The following FXYD4 variants were observed in gnomAD, a reference collection of about 807,000 sequenced individuals.
The protein encoded by FXYD4 is FXYD domain-containing ion transport regulator 4.
In FXYD4, 14 loss-of-function variants were observed where a neutral mutation model predicts 18.3. That is an observed-to-expected ratio of 0.77 (90% CI 0.51 to 1.20). The LOEUF (loss-of-function observed/expected upper bound fraction) is 1.20, where lower values mean the gene tolerates loss of function less well. Among genes scored for constraint, FXYD4 ranks in the 50% most tolerant of loss-of-function variants. The pLI is 0.00. For missense variants in FXYD4, 99 were observed against 106.1 expected (o/e 0.93, Z 0.29); for synonymous variants, 40 against 40.5 (o/e 0.99, Z 0.04).
At chr10:43,374,401 C>CAAG in intron 3 of FXYD4, 69 bp from the exon 4 acceptor site, 1 of 1,503,962 alleles carries the variant, frequency 6.6e-7, no homozygotes, top group Non-Finnish European at 9.3e-7. Context: ...GGCTGGGGTC[C>CAAG]TGCTGTCTGG....
chr10:43,374,966 C>T (rs1837851091), intron 5 of FXYD4, among the ~76,000 whole-genome samples: 1 of 151,804 alleles, frequency 6.6e-6, no homozygotes, highest in African/African-American at 2.4e-5. Flanking sequence ...GCCTCAGCTC[C>T]AGGACAGCTT....
At chr10:43,373,461 G>T in intron 2 of FXYD4, 54 bp from the exon 3 acceptor site, 2 of 523,740 alleles carry the variant, frequency 3.8e-6, no homozygotes, top group Non-Finnish European at 6.9e-6. Context: ...ACTCTGTGCA[G>T]GCACAGTTTT....
intron 5 of FXYD4, 22 bp downstream of exon 5, chr10:43,374,661 C>G (rs1330724108): frequency 3.8e-6 from 6 of 1,595,054 alleles, no homozygotes; most frequent in African/African-American, 1.3e-5. Flanking sequence ...TATTCCCACC[C>G]CCACCCTACC....
intron 2 of FXYD4, among the ~76,000 whole-genome samples, chr10:43,373,269 G>A (rs536043457): frequency 4.6e-5 from 7 of 152,252 alleles, no homozygotes; most frequent in East Asian, 3.9e-4. Context: ...GGGTTAGGAA[G>A]GCAGGCTCCA....
chr10:43,372,397 G>C (rs369468536), intron 1 of FXYD4, among the ~76,000 whole-genome samples: 4 of 152,172 alleles, frequency 2.6e-5, no homozygotes, highest in African/African-American at 9.7e-5. Flanking sequence ...TGATTCTCCT[G>C]CCTCAGCTTC....
rs1308805613 is a variant in FXYD4, at chr10:43,376,211, C to A, written c.*45C>A. On this transcript the variant is annotated 3_prime_UTR_variant, in exon 9 of 9. Transcript: ENST00000476166. ...GGATGGCCTGAAGCCTAACACTGGC[C>A]CCCAGCACCTCCTCCCCTGGGAGGC... 3 of 1,605,906 alleles carry A rather than the reference C, an allele frequency of 1.9e-6. No individual in the cohort carries two copies. The highest frequency in any genetic ancestry group is 1.1e-5 in the South Asian group (1 of 90,864).
Position 43,373,509 on chromosome 10 carries a change from C to T in FXYD4, c.-232-6C>T, listed in dbSNP as rs530517067. 9.2e-5 allele frequency: 53 copies of T among 578,906 alleles called. No individual in the cohort carries two copies. Among genetic ancestry groups the T allele is most frequent in the African/African-American group, 9.1e-4 (49 of 53,686 alleles). The allele number at this position is 578,906 out of a possible 1,614,324, so 35.9% of individuals were successfully genotyped here. ...TGTGCTTACTCAATCCACACAACTCCCCCAGGCCACCACCATCTCTAGATG... is the reference window on the plus strand; with the variant it reads ...TGTGCTTACTCAATCCACACAACTCTCCCAGGCCACCACCATCTCTAGATG... On this transcript the variant is annotated splice_region_variant and splice_polypyrimidine_tract_variant and intron_variant, in intron 2 of 8. Coordinates refer to ENST00000476166, the MANE Select transcript of FXYD4 (RefSeq NM_173160.3).
chr10:43,374,376 A>C (rs536361174), intron 3 of FXYD4, 94 bp from the exon 4 acceptor site: 1 of 1,235,626 alleles, frequency 8.1e-7, no homozygotes. Context: ...CTCCAGGGTC[A>C]CCCCACAACC....
chr10:43,376,272 G>C lies in FXYD4; in HGVS notation c.*106G>C. 8.1e-7 allele frequency: 1 copy of C among 1,227,638 alleles called. No individual in the cohort carries two copies. The highest frequency in any genetic ancestry group is 1.2e-6 in the Non-Finnish European group (1 of 840,710). The allele number at this position is 1,227,638 out of a possible 1,614,324, so 76.0% of individuals were successfully genotyped here. A position where few individuals can be genotyped will look rare whatever the true frequency, so the allele number is the denominator to read the frequency against. Reference sequence around the variant, plus strand: ...AGGAAGGACTTCTCTCCAAGGGCAGGCTGTTAGGCCCCTTTCTGATCAGGA... The same window carrying C: ...AGGAAGGACTTCTCTCCAAGGGCAGCCTGTTAGGCCCCTTTCTGATCAGGA... On this transcript the variant is annotated 3_prime_UTR_variant, in exon 9 of 9. Coordinates refer to ENST00000476166, the MANE Select transcript of FXYD4 (RefSeq NM_173160.3).
intron 2 of FXYD4, among the ~76,000 whole-genome samples, chr10:43,373,192 C>G (rs2131947556): frequency 6.6e-6 from 1 of 152,210 alleles, no homozygotes; most frequent in East Asian, 1.9e-4. Context: ...GTGCTGGACT[C>G]TGGCCACCCC....
At chr10:43,372,015 A>C (rs1837813542) in intron 1 of FXYD4, among the ~76,000 whole-genome samples, 1 of 149,142 alleles carries the variant, frequency 6.7e-6, no homozygotes, top group African/African-American at 2.5e-5. Flanking sequence ...ACTGCTCTCC[A>C]TCCTGGGTAA....
rs1837823401 is a variant in FXYD4, at chr10:43,372,789, G to C, written c.-233+17G>C. 6.6e-6 allele frequency: 1 copy of C among 152,164 alleles called. No individual in the cohort carries two copies. The highest frequency in any genetic ancestry group is 2.4e-5 in the African/African-American group (1 of 41,426). 9.4% of individuals were successfully genotyped at this position (152,164 alleles called of 1,614,324 possible). A position where few individuals can be genotyped will look rare whatever the true frequency, so the allele number is the denominator to read the frequency against. On this transcript the variant is annotated intron_variant, in intron 2 of 8. Coordinates refer to ENST00000476166, the MANE Select transcript of FXYD4 (RefSeq NM_173160.3). ...ACACAGTTGGTAAGTTGCTAAGAAG[G>C]GACCCAGCCCAGACAGCTGGCCCTG...
chr10:43,375,905 G>T, intron 7 of FXYD4, 127 bp from the exon 8 acceptor site: 1 of 1,234,572 alleles, frequency 8.1e-7, no homozygotes. Context: ...CCTCGGTATT[G>T]TGGGAAGTGA....
In FXYD4 at chr10:43,376,156, C is replaced by G. The variant is rs772525100; in HGVS notation, c.260C>G (p.Thr87Ser). Residue 87 changes from threonine to serine, a missense_variant, in exon 9 of 9, where the codon ACT (threonine) becomes AGT (serine). By Grantham distance (58) the Thr-to-Ser change is moderately conservative (BLOSUM62 1). Coordinates refer to ENST00000476166, the MANE Select transcript of FXYD4 (RefSeq NM_173160.3). ...CCGCCACTCTCCGCAGGCTCTGCCACTACTTGCTGAGCACAGGACTGGCCT... is the reference window on the plus strand; with the variant it reads ...CCGCCACTCTCCGCAGGCTCTGCCAGTACTTGCTGAGCACAGGACTGGCCT... ...AIPLITPGSA[T>S]TC is the part of the protein sequence containing the mutation. 2.0e-5 allele frequency: 33 copies of G among 1,613,746 alleles called. No homozygotes were observed. The South Asian group carries it at 3.2e-4, about 16-fold the overall frequency.
chr10:43,376,027 T>C lies in FXYD4; in HGVS notation c.213-5T>C. ...GATACTACTCTGATGTGGTCCTTTC[T>C]CTAGTCCTGTACCTGAGAAGGCCAT... On this transcript the variant is annotated splice_region_variant and splice_polypyrimidine_tract_variant and intron_variant, in intron 7 of 8. Transcript: ENST00000476166. 6.2e-7 allele frequency: 1 copy of C among 1,614,074 alleles called. No homozygotes were observed. Among genetic ancestry groups the C allele is most frequent in the East Asian group, 2.2e-5 (1 of 44,882 alleles).
At chr10:43,374,214 T>C (rs890935441) in intron 3 of FXYD4, among the ~76,000 whole-genome samples, 12 of 152,042 alleles carry the variant, frequency 7.9e-5, no homozygotes, top group African/African-American at 2.7e-4. Flanking sequence ...AAGACAAGCA[T>C]TCCCTGTTTC....
intron 7 of FXYD4, 23 bp downstream of exon 7, chr10:43,375,757 C>T (rs746730632): frequency 6.2e-7 from 1 of 1,612,584 alleles, no homozygotes; most frequent in Non-Finnish European, 8.5e-7. Context: ...CTATGGTGCC[C>T]TCCTCCTTCG....
In FXYD4 at chr10:43,375,600, AGGACAGGGTGGGGCTGGC is replaced by A. The variant is rs537364375; in HGVS notation, c.172+42_172+59del. On this transcript the variant is annotated intron_variant, in intron 6 of 8. Transcript: ENST00000476166. ...TGAGTGGCAGGACAGGTGGGGCTGG[AGGACAGGGTGGGGCTGGC>A]GGACAGGGTGGGGCAGAAAGAGAGA... is the stretch of plus-strand genomic sequence containing the variant. 1.6e-4 allele frequency: 255 copies of A among 1,608,608 alleles called. 4 individuals carry two copies. The highest frequency in any genetic ancestry group is 1.2e-3 in the South Asian group (107 of 90,992).
At chr10:43,371,768 G>C (rs1243056884) in intron 1 of FXYD4, 71 bp downstream of exon 1, 1 of 152,202 alleles carries the variant, frequency 6.6e-6, no homozygotes, top group East Asian at 1.9e-4. Flanking sequence ...GTAATGAGGA[G>C]CCTGTTGAGG....
Sources: allele counts gnomAD v4.1 joint callset (sites outside exome capture counted in the v4.1 genomes callset), GRCh38; gene constraint gnomAD v4.1.1; transcripts MANE v1.5; gene names NCBI Gene and HGNC (gene_info 2026-07-23, HGNC 2026-07-21).